The following ZBTB48 variants were observed in gnomAD, a reference collection of about 807,000 sequenced individuals.
ZBTB48 encodes the protein zinc finger and BTB domain-containing protein 48.
ZBTB48 carries 35 observed loss-of-function variants against 64.5 expected under a neutral mutation model. The ratio of observed to expected loss-of-function variants is 0.54; its 90% CI spans 0.41 to 0.72. ZBTB48 has a LOEUF of 0.72. Among genes scored for constraint, ZBTB48 ranks in the 30% least tolerant of loss-of-function variants. The pLI is 0.00. For missense variants in ZBTB48, 828 were observed against 895.3 expected (o/e 0.92, Z 0.96); for synonymous variants, 442 against 356.7 (o/e 1.24, Z -2.70).
intron 7 of ZBTB48, 97 bp downstream of exon 7, chr1:6,587,729 A>T (rs1640728038): frequency 1.3e-6 from 2 of 1,534,146 alleles, no homozygotes; most frequent in African/African-American, 1.4e-5. Flanking sequence ...TACACAGATG[A>T]GTGTGCCCTT....
chr1:6,585,844 C>A (rs1416384462), intron 3 of ZBTB48, 75 bp from the exon 4 acceptor site: 6 of 1,453,460 alleles, frequency 4.1e-6, no homozygotes, highest in African/African-American at 1.4e-5. Context: ...TTAGAAGGGA[C>A]CCAGAGGGGG....
At chr1:6,581,362 T>A (rs1640450447) in intron 2 of ZBTB48, 63 bp downstream of exon 2, 1 of 1,473,400 alleles carries the variant, frequency 6.8e-7, no homozygotes, top group South Asian at 1.3e-5. Flanking sequence ...TTTTTTGGTA[T>A]AATAGGGACC....
Position 6,587,596 on chromosome 1 carries a change from G to A in ZBTB48, c.1343G>A (p.Arg448Gln), listed in dbSNP as rs1640721734. ...GAGTGTGGGCACCGGGCCTCGAGCCGGAATGGCCTGCAGATGCACATCAAG... is the reference window on the plus strand; with the variant it reads ...GAGTGTGGGCACCGGGCCTCGAGCCAGAATGGCCTGCAGATGCACATCAAG... ...CEECGHRASS[R>Q]NGLQMHIKAK... Residue 448 changes from arginine to glutamine, a missense_variant, in exon 7 of 11, where the codon CGG (arginine) becomes CAG (glutamine). Coordinates refer to ENST00000377674, the MANE Select transcript of ZBTB48 (RefSeq NM_005341.4). 2.5e-6 allele frequency: 4 copies of A among 1,613,668 alleles called. No homozygotes were observed. The highest frequency in any genetic ancestry group is 2.7e-5 in the African/African-American group (2 of 75,038).
At position 6,588,201 on chromosome 1, in the gene ZBTB48, G is replaced by A. The variant is rs1640747014; in HGVS notation, c.1516+5G>A. On this transcript the variant is annotated splice_donor_5th_base_variant and intron_variant, in intron 8 of 10. Transcript: ENST00000377674. ...GCAAGACCTTCCGAACCCAAGGTGA[G>A]GTACGCCCTGCCCCTCCCCTCGCCT... The A allele has an allele frequency of 6.2e-7, 1 of 1,613,864 alleles. No individual in the cohort carries two copies. Among genetic ancestry groups the A allele is most frequent in the African/African-American group, 1.3e-5 (1 of 74,938 alleles).
chr1:6,583,990 G>A (rs1039855131), intron 3 of ZBTB48, among the ~76,000 whole-genome samples: 1 of 151,742 alleles, frequency 6.6e-6, no homozygotes, highest in African/African-American at 2.4e-5. Flanking sequence ...CAGCATGTTG[G>A]TCAGGCTGGT....
chr1:6,585,872 A>T (rs1338218291), intron 3 of ZBTB48, 47 bp from the exon 4 acceptor site: 1 of 1,582,804 alleles, frequency 6.3e-7, no homozygotes, highest in Non-Finnish European at 8.7e-7. Flanking sequence ...TGAGGGAGAG[A>T]TGGGAAACCC....
In ZBTB48 at chr1:6,587,518, T is replaced by A. The variant is rs1570176188; in HGVS notation, c.1265T>A (p.Leu422Gln). The change falls in exon 7 of 11, where the codon CTG becomes CAG. Residue 422 changes from leucine (L) to glutamine (Q), a missense_variant. Coordinates refer to ENST00000377674, the MANE Select transcript of ZBTB48 (RefSeq NM_005341.4). ...CAKCFLSRTE[L>Q]QLHEAFKHRG... is the part of the protein sequence containing the mutation. ...AAGTGCTTCCTGTCTCGGACAGAGC[T>A]GCAGCTGCATGAAGCTTTCAAGCAC... 6.2e-7 allele frequency: 1 copy of A among 1,614,090 alleles called. No individual in the cohort carries two copies. The highest frequency in any genetic ancestry group is 8.5e-7 in the Non-Finnish European group (1 of 1,180,020).
In ZBTB48 at chr1:6,580,488, A is replaced by C; in HGVS notation, c.-69-53A>C. ...CCTGACCCAAGCCCTCGTGCTGATA[A>C]ATATGATTATTTGAGTAGAGGCCAA... On this transcript the variant is annotated intron_variant, in intron 1 of 10. Coordinates refer to ENST00000377674, the MANE Select transcript of ZBTB48 (RefSeq NM_005341.4). This position sits in a 1 kb window ranked among gnomAD's most constrained non-coding sequence, Gnocchi z 5.2. 1 of 1,044,416 alleles carries C rather than the reference A, an allele frequency of 9.6e-7. No homozygotes were observed. The highest frequency in any genetic ancestry group is 1.6e-5 in the South Asian group (1 of 61,200). 64.7% of individuals were successfully genotyped at this position (1,044,416 alleles called of 1,614,324 possible).
In ZBTB48 at chr1:6,588,318, G is replaced by T. The variant is rs1640754687; in HGVS notation, c.1557G>T (p.Arg519Ser). The stretch of plus-strand genomic sequence containing the variant: ...ACAACCGCACCCACACCGGGGAAAG[G>T]CCCTTCAGTTGCGAGTTCTGTGAAC... ...DKHNRTHTGE[R>S]PFSCEFCEQR... The change falls in exon 9 of 11, where the codon AGG becomes AGT. Residue 519 changes from arginine to serine, a missense_variant. Physicochemically the swap from Arg to Ser is moderately radical, Grantham distance 110 (BLOSUM62 -1). Coordinates refer to ENST00000377674, the MANE Select transcript of ZBTB48 (RefSeq NM_005341.4). 6.2e-7 allele frequency: 1 copy of T among 1,608,192 alleles called. No homozygotes were observed. Among genetic ancestry groups the T allele is most frequent in the East Asian group, 2.2e-5 (1 of 44,710 alleles).
In ZBTB48 at chr1:6,583,603, A is replaced by T. The variant is rs113290128; in HGVS notation, c.932+1304A>T. Among the ~76,000 whole-genome samples the T allele has an allele frequency of 2.9e-3, 312 of 108,640 alleles. 2 individuals are homozygous for T. Among genetic ancestry groups the T allele is most frequent in the Middle Eastern group, 0.023 (3 of 130 alleles). The allele number at this position is 108,640 out of a possible 152,430, so 71.3% of individuals were successfully genotyped here. A position where few individuals can be genotyped will look rare whatever the true frequency, so the allele number is the denominator to read the frequency against. ...CATGAGCCACTGCGCCCAGCCTGTT[A>T]TTTTTTTTTTTTTTTTTGAGACAGT... On this transcript the variant is annotated intron_variant, in intron 3 of 10. Coordinates refer to ENST00000377674, the MANE Select transcript of ZBTB48 (RefSeq NM_005341.4).
At chr1:6,586,097 G>T (rs910889451) in intron 4 of ZBTB48, 67 bp downstream of exon 4, 2 of 1,508,210 alleles carry the variant, frequency 1.3e-6, no homozygotes, top group South Asian at 1.1e-5. Context: ...CGTGCCATCC[G>T]GGAAGGGCCC....
At chr1:6,588,246 C>T (rs1557426898) in intron 8 of ZBTB48, 32 bp from the exon 9 acceptor site, 1 of 1,611,540 alleles carries the variant, frequency 6.2e-7, no homozygotes, top group Admixed American at 1.7e-5. Flanking sequence ...GAGGCCAAGG[C>T]CACAGGCTGA....
chr1:6,589,017 G>A lies in ZBTB48; in HGVS notation c.1872G>A (p.Val624=). 6.3e-7 allele frequency: 1 copy of A among 1,596,996 alleles called. No homozygotes were observed. Among genetic ancestry groups the A allele is most frequent in the Non-Finnish European group, 8.5e-7 (1 of 1,170,160 alleles). Residue 624 remains valine (V), a synonymous_variant, in exon 11 of 11, where the codon GTG becomes GTA. Transcript: ENST00000377674. ...RNLIIEDEKM[V]VVALQPPAEL... ...TGATCATCGAGGACGAGAAGATGGTGGTGGTGGCGCTGCAGCCGCCTGCAG... is the reference window on the plus strand; with the variant it reads ...TGATCATCGAGGACGAGAAGATGGTAGTGGTGGCGCTGCAGCCGCCTGCAG...
Position 6,580,491 on chromosome 1 carries a change from A to G in ZBTB48, c.-69-50A>G. ...GACCCAAGCCCTCGTGCTGATAAAT[A>G]TGATTATTTGAGTAGAGGCCAACTT... On this transcript the variant is annotated intron_variant, in intron 1 of 10. Coordinates refer to ENST00000377674, the MANE Select transcript of ZBTB48 (RefSeq NM_005341.4). The surrounding 1 kb of genome is among the most constrained non-coding windows in gnomAD (Gnocchi z 5.2). 9.5e-7 allele frequency: 1 copy of G among 1,052,610 alleles called. No homozygotes were observed. Among genetic ancestry groups the G allele is most frequent in the East Asian group, 2.6e-5 (1 of 38,990 alleles). The allele number at this position is 1,052,610 out of a possible 1,614,324, so 65.2% of individuals were successfully genotyped here.
At chr1:6,587,107 G>A (rs764688236) in intron 5 of ZBTB48, 98 bp from the exon 6 acceptor site, 9 of 1,309,526 alleles carry the variant, frequency 6.9e-6, no homozygotes, top group East Asian at 4.7e-5. Flanking sequence ...TCATCTCACC[G>A]GGGCCTCCCT....
chr1:6,588,784 A>G lies in ZBTB48; in HGVS notation c.1710A>G (p.Arg570=), dbSNP rs376929468. 1.2e-5 allele frequency: 20 copies of G among 1,613,974 alleles called. No individual in the cohort carries two copies. The highest frequency in any genetic ancestry group is 1.6e-5 in the Non-Finnish European group (19 of 1,180,024). Residue 570 remains arginine (R), a synonymous_variant, in exon 10 of 11, where the codon AGA becomes AGG. Coordinates refer to ENST00000377674, the MANE Select transcript of ZBTB48 (RefSeq NM_005341.4). Reference sequence around the variant, plus strand: ...TGGAGCAACTGCGTGTGCACGTCAGACGGCACAAGGGGGTGAGGAAGTTTG... The same window carrying G: ...TGGAGCAACTGCGTGTGCACGTCAGGCGGCACAAGGGGGTGAGGAAGTTTG... ...KAVEQLRVHV[R]RHKGVRKFEC...
chr1:6,585,714 G>A, intron 3 of ZBTB48: 1 of 587,610 alleles, frequency 1.7e-6, no homozygotes, highest in Non-Finnish European at 3.0e-6. Flanking sequence ...CAGCCTCTTA[G>A]GACCTGTGTG....
At chr1:6,588,681 C>A (rs946416873) in intron 9 of ZBTB48, 75 bp from the exon 10 acceptor site, 3 of 1,600,778 alleles carry the variant, frequency 1.9e-6, no homozygotes, top group Admixed American at 3.4e-5. Context: ...TGCTGCCTGT[C>A]CCAACCTCCT....
At position 6,588,363 on chromosome 1, in the gene ZBTB48, G is replaced by A. The variant is rs1425706242; in HGVS notation, c.1602G>A (p.Gly534=). 2.5e-6 allele frequency: 4 copies of A among 1,602,756 alleles called. No homozygotes were observed. Among genetic ancestry groups the A allele is most frequent in the Admixed American group, 3.4e-5 (2 of 59,636 alleles). The part of the protein sequence containing the change: ...EFCEQRFTEK[G]PLLRHVASRH... ...GTGAACAGCGCTTCACTGAGAAGGG[G>A]CCCCTCCTGAGGCACGTGGCCAGCC... The change falls in exon 9 of 11, where the codon GGG becomes GGA. Residue 534 remains glycine (G), a synonymous_variant. Coordinates refer to ENST00000377674, the MANE Select transcript of ZBTB48 (RefSeq NM_005341.4).
Sources: gnomAD v4.1 joint callset for allele counts (sites outside exome capture counted in the v4.1 genomes callset) on GRCh38, gnomAD v4.1.1 for gene constraint, Gnocchi (gnomAD v3.1) non-coding constraint, MANE v1.5 for transcripts, NCBI Gene and HGNC (gene_info 2026-07-23, HGNC 2026-07-21) for gene names.